DENND2B: variants seen among roughly 807,000 people sequenced by gnomAD.
DENND2B encodes the protein DENN domain containing 2B.
In DENND2B, 32 loss-of-function variants were observed where a neutral mutation model predicts 116.0. The ratio of observed to expected loss-of-function variants is 0.28; its 90% CI spans 0.21 to 0.37. The LOEUF is 0.37. Among genes scored for constraint, DENND2B ranks in the 10% least tolerant of loss-of-function variants. The probability of loss-of-function intolerance (pLI) is 1.00; values close to 1 mark genes in which losing one functional copy is unlikely to be tolerated. For missense variants in DENND2B, 1,276 were observed against 1,477.7 expected, an observed-to-expected ratio of 0.86 and a Z score of 2.24; for synonymous variants, 588 against 583.9, an observed-to-expected ratio of 1.01 and a Z score of -0.10.
chr11:8,858,241 T>A (rs2063264493), intron 2 of DENND2B, among the ~76,000 whole-genome samples: 1 of 152,152 alleles, frequency 6.6e-6, no homozygotes, highest in Non-Finnish European at 1.5e-5. Flanking sequence ...AAGAAAACCT[T>A]CCATGTCCTA....
chr11:8,889,262 G>A (rs1405889217), intron 1 of DENND2B, among the ~76,000 whole-genome samples: 1 of 152,236 alleles, frequency 6.6e-6, no homozygotes, highest in African/African-American at 2.4e-5. Flanking sequence ...GGATGGACAG[G>A]TGGTTCCAAG....
intron 1 of DENND2B, among the ~76,000 whole-genome samples, chr11:8,794,215 GT>G (rs1382202265): frequency 6.6e-6 from 1 of 152,338 alleles, no homozygotes; most frequent in African/African-American, 2.4e-5. Context: ...CAGTTTCAGT[GT>G]TACATACACA....
chr11:8,821,257 A>G (rs1213227752), intron 4 of DENND2B, among the ~76,000 whole-genome samples: 5 of 151,910 alleles, frequency 3.3e-5, no homozygotes, highest in African/African-American at 9.7e-5. Flanking sequence ...CTTGCTTTTC[A>G]CTGTATATCT....
At chr11:8,766,016 G>A (rs920458595) in intron 1 of DENND2B, among the ~76,000 whole-genome samples, 19 of 152,024 alleles carry the variant, frequency 1.2e-4, no homozygotes, top group Non-Finnish European at 1.5e-5. Context: ...GTGACAGAGT[G>A]AGACTTCATA....
rs1346819337 is a variant in DENND2B at position 8,730,224 on chromosome 11, C to T, written c.1066G>A (p.Gly356Ser). 1 of 1,612,944 alleles carries T rather than the reference C, an allele frequency of 6.2e-7. No homozygotes were observed. Among genetic ancestry groups the T allele is most frequent in the Non-Finnish European group, 8.5e-7 (1 of 1,179,474 alleles). ...GEAGPPPERE[G>S]SGSTKPGTPG... ...GTCCCGGGCTTAGTGGAACCACTGC[C>T]TTCCCTCTCTGGGGGTGGGCCCGCC... The change falls in exon 3 of 20, where the codon GGC (glycine) becomes AGC (serine). Residue 356 changes from glycine (G) to serine (S), a missense_variant. Physicochemically the swap from Gly to Ser is moderately conservative, Grantham distance 56. This residue lies in a region of DENND2B where 856 missense variants were observed against 846.6 expected (regional missense o/e 1.01). Coordinates refer to ENST00000313726, the MANE Select transcript of DENND2B (RefSeq NM_213618.2). This position sits in a 1 kb window ranked among gnomAD's most constrained non-coding sequence, Gnocchi z 4.1.
chr11:8,766,695 A>T, intron 1 of DENND2B: 1 of 1,288,046 alleles, frequency 7.8e-7, no homozygotes, highest in Non-Finnish European at 1.0e-6. Flanking sequence ...TTCTTCCTTG[A>T]AGTCATAATC....
At chr11:8,731,287 T>C (rs1245449498) in intron 2 of DENND2B, 78 bp from the exon 3 acceptor site, 1 of 1,334,414 alleles carries the variant, frequency 7.5e-7, no homozygotes, top group Non-Finnish European at 1.0e-6. Flanking sequence ...TCCTGTTTTA[T>C]TCTTACAGAA....
At chr11:8,903,870 C>T (rs114079522) in intron 1 of DENND2B, among the ~76,000 whole-genome samples, 1,840 of 103,586 alleles carry the variant, frequency 0.018, 45 homozygotes, top group African/African-American at 0.065. Flanking sequence ...GCCTTGGCAA[C>T]AGGAGTGAGA....
intron 1 of DENND2B, among the ~76,000 whole-genome samples, chr11:8,898,816 G>T (rs1244279220): frequency 1.3e-5 from 2 of 152,108 alleles, no homozygotes; most frequent in Non-Finnish European, 2.9e-5. Context: ...ACAAAAAATT[G>T]CAAGACATAC....
At chr11:8,710,795 C>CA in intron 11 of DENND2B, 50 bp downstream of exon 11, 23 of 1,164,322 alleles carry the variant, frequency 2.0e-5, no homozygotes, top group Non-Finnish European at 2.9e-5. Flanking sequence ...ACACACACAC[C>CA]CTGGCCTATC....
At chr11:8,703,152 G>A (rs563728457) in intron 13 of DENND2B, 1 of 160,940 alleles carries the variant, frequency 6.2e-6, no homozygotes, top group African/African-American at 2.4e-5. Flanking sequence ...CCGCATCCCA[G>A]GACTCTAATC....
Position 8,750,822 on chromosome 11 carries a change from T to C in DENND2B, c.-25-97A>G, listed in dbSNP as rs116061400. 2,464 of 1,071,220 alleles carry C rather than the reference T, an allele frequency of 2.3e-3. 41 individuals carry two copies. The African/African-American group carries it at 0.035, about 15-fold the overall frequency. 66.4% of individuals were successfully genotyped at this position (1,071,220 alleles called of 1,614,324 possible). On this transcript the variant is annotated intron_variant, in intron 1 of 19. Coordinates refer to ENST00000313726, the MANE Select transcript of DENND2B (RefSeq NM_213618.2). Reference sequence around the variant, plus strand: ...GACCTCCAAAAGTGCCAAGAGGGTGTCTGTGGCAGGTAGTAGAAACTGCTT... The same window carrying C: ...GACCTCCAAAAGTGCCAAGAGGGTGCCTGTGGCAGGTAGTAGAAACTGCTT...
chr11:8,876,954 G>C (rs2063848709), intron 2 of DENND2B, among the ~76,000 whole-genome samples: 1 of 143,134 alleles, frequency 7.0e-6, no homozygotes, highest in Admixed American at 7.1e-5. Flanking sequence ...GGGCAGGCTG[G>C]ATCTGAGAGT....
chr11:8,889,747 G>C (rs528438343), intron 1 of DENND2B, among the ~76,000 whole-genome samples: 4 of 152,332 alleles, frequency 2.6e-5, no homozygotes, highest in African/African-American at 9.6e-5. Context: ...CGGCCAGGAA[G>C]CTCAAACTGG....
At chr11:8,723,122 G>A (rs1265636819) in intron 4 of DENND2B, among the ~76,000 whole-genome samples, 1 of 152,006 alleles carries the variant, frequency 6.6e-6, no homozygotes, top group Non-Finnish European at 1.5e-5. Flanking sequence ...TTCTAGTTTG[G>A]CAGAAACTGC....
rs540267413 is a variant in DENND2B at position 8,693,695 on chromosome 11, C to T, written c.*401G>A. On this transcript the variant is annotated 3_prime_UTR_variant, in exon 20 of 20. Coordinates refer to ENST00000313726, the MANE Select transcript of DENND2B (RefSeq NM_213618.2). ...AAGACAGCATCTGCTCTCCAGGGCC[C>T]GGGACTGGCAGCGGGGACCTCAGGC... is the stretch of plus-strand genomic sequence containing the variant. The T allele has an allele frequency of 5.7e-5, 11 of 193,974 alleles. No homozygotes were observed. Among genetic ancestry groups the T allele is most frequent in the African/African-American group, 1.2e-4 (5 of 41,774 alleles). The allele number at this position is 193,974 out of a possible 1,614,324, so 12.0% of individuals were successfully genotyped here. A position where few individuals can be genotyped will look rare whatever the true frequency, so the allele number is the denominator to read the frequency against.
At chr11:8,812,909 C>G (rs2061442168), upstream of DENND2B, among the ~76,000 whole-genome samples, 1 of 94,790 alleles carries the variant, frequency 1.1e-5, no homozygotes, top group African/African-American at 3.6e-5. Context: ...TCCAATGCTG[C>G]TCCCAAAAAC....
intron 18 of DENND2B, 60 bp from the exon 19 acceptor site, chr11:8,695,609 C>T: frequency 6.7e-7 from 1 of 1,484,938 alleles, no homozygotes; most frequent in Non-Finnish European, 9.4e-7. Context: ...GAAGGAGAGG[C>T]CTACATGAAG....
chr11:8,821,132 AAATT>A, intron 4 of DENND2B, among the ~76,000 whole-genome samples: 4 of 151,230 alleles, frequency 2.6e-5, no homozygotes, highest in African/African-American at 9.7e-5. Flanking sequence ...AAAAAAAAAA[AAATT>A]AATTAATTAA....
Sources: gnomAD v4.1 joint callset for allele counts (sites outside exome capture counted in the v4.1 genomes callset) on GRCh38, gnomAD v4.1.1 for gene constraint, gnomAD v4.1.1 regional missense constraint, Gnocchi (gnomAD v3.1) non-coding constraint, MANE v1.5 for transcripts, NCBI Gene and HGNC (gene_info 2026-07-23, HGNC 2026-07-21) for gene names.